Variants in ZNF766 observed in about 807,000 individuals in gnomAD.
ZNF766 encodes the protein zinc finger protein 766.
In ZNF766, 13 loss-of-function variants were observed where a neutral mutation model predicts 13.2. The ratio of observed to expected loss-of-function variants is 0.98; its 90% CI spans 0.64 to 1.56. The LOEUF is 1.56. ZNF766 is among the 40% of genes most tolerant of loss of function. The pLI is 0.00. For synonymous variants in ZNF766, 178 were observed against 187.6 expected (o/e 0.95, Z 0.42); for missense variants, 521 against 552.2 (o/e 0.94, Z 0.57).
At chr19:52,270,244 G>C (rs763989560) in intron 1 of ZNF766, among the ~76,000 whole-genome samples, 3 of 152,122 alleles carry the variant, frequency 2.0e-5, no homozygotes, top group Non-Finnish European at 2.9e-5. Flanking sequence ...TCCCCTCCCT[G>C]TGAATGTGAA....
Position 52,283,393 on chromosome 19 carries a change from G to T in ZNF766, c.254G>T (p.Gly85Val). ...KVAKNPDRWE[G>V]IKDINTGRSC... is the part of the protein sequence containing the mutation. The stretch of plus-strand genomic sequence containing the variant: ...GCAAAAAATCCAGATAGGTGGGAAG[G>T]TATCAAAGATATCAACACAGGTAAG... The change falls in exon 3 of 4, where the codon GGT (glycine) becomes GTT (valine). Residue 85 changes from glycine (G) to valine (V), a missense_variant. Transcript: ENST00000439461. The T allele has an allele frequency of 6.2e-7, 1 of 1,602,604 alleles. No homozygotes were observed. Among genetic ancestry groups the T allele is most frequent in the Non-Finnish European group, 8.5e-7 (1 of 1,173,790 alleles).
chr19:52,291,497 A>G lies in ZNF766; in HGVS notation c.*299A>G, dbSNP rs10426029. The G allele has an allele frequency of 0.076, 19,828 of 259,724 alleles. 2,255 individuals carry two copies. Among genetic ancestry groups the G allele is most frequent in the African/African-American group, 0.3 (13,547 of 44,838 alleles). 16.1% of individuals were successfully genotyped at this position (259,724 alleles called of 1,614,324 possible). ...TAATTGGCTGGGCGCAGTGGCTCACACCTGTAATCCTAGCACTTTGGGAGG... is the reference window on the plus strand; with the variant it reads ...TAATTGGCTGGGCGCAGTGGCTCACGCCTGTAATCCTAGCACTTTGGGAGG... On this transcript the variant is annotated 3_prime_UTR_variant, in exon 4 of 4. Transcript: ENST00000439461.
At chr19:52,284,220 C>A (rs1332473123) in intron 3 of ZNF766, among the ~76,000 whole-genome samples, 1 of 152,144 alleles carries the variant, frequency 6.6e-6, no homozygotes, top group African/African-American at 2.4e-5. Flanking sequence ...GTCCCTTTTC[C>A]CTGTGGTCTC....
chr19:52,285,355 C>T (rs1981762515), intron 3 of ZNF766, among the ~76,000 whole-genome samples: 1 of 152,166 alleles, frequency 6.6e-6, no homozygotes. Flanking sequence ...GTTTAGGGCT[C>T]AGTCTCCAAG....
At chr19:52,289,330 T>C (rs1004004939) in intron 3 of ZNF766, among the ~76,000 whole-genome samples, 7 of 151,964 alleles carry the variant, frequency 4.6e-5, no homozygotes, top group African/African-American at 1.7e-4. Flanking sequence ...TTTGTATTTT[T>C]GGGTGGAGAC....
At chr19:52,277,484 A>G (rs1438292990) in intron 1 of ZNF766, 11 of 1,568,680 alleles carry the variant, frequency 7.0e-6, no homozygotes, top group Non-Finnish European at 9.4e-6. Flanking sequence ...AAGTCATGTT[A>G]TGTGAAGGAG....
At chr19:52,280,621 C>A (rs62110403) in intron 1 of ZNF766, among the ~76,000 whole-genome samples, 2 of 151,650 alleles carry the variant, frequency 1.3e-5, no homozygotes, top group Admixed American at 1.3e-4. Flanking sequence ...CTTGCTCTGT[C>A]GCCCAGGCTG....
chr19:52,287,334 G>A (rs1023518805), intron 3 of ZNF766, among the ~76,000 whole-genome samples: 2 of 150,804 alleles, frequency 1.3e-5, no homozygotes, highest in Non-Finnish European at 2.9e-5. Context: ...GTAGAGACGG[G>A]GTTTCACTGT....
chr19:52,273,190 A>G (rs1004601065), intron 1 of ZNF766, among the ~76,000 whole-genome samples: 9 of 152,060 alleles, frequency 5.9e-5, no homozygotes, highest in African/African-American at 2.2e-4. Context: ...TTGCATTTTT[A>G]GTAGAGATGG....
At chr19:52,272,031 C>T (rs77840289) in intron 1 of ZNF766, among the ~76,000 whole-genome samples, 3,055 of 150,146 alleles carry the variant, frequency 0.02, 34 homozygotes, top group Admixed American at 0.031. Flanking sequence ...TTTCTTGCCA[C>T]TCCTCCATGA....
chr19:52,271,521 C>G (rs759620204), intron 1 of ZNF766, among the ~76,000 whole-genome samples: 1 of 152,196 alleles, frequency 6.6e-6, no homozygotes, highest in Non-Finnish European at 1.5e-5. Flanking sequence ...CTGGCTGTTG[C>G]TGACCCTGCG....
rs186085550 is a variant in ZNF766, at chr19:52,271,745, T to C, written c.18+2114T>C. 9.9e-5 allele frequency among the ~76,000 whole-genome samples: 15 copies of C among 152,238 alleles called. No individual in the cohort carries two copies. In the East Asian group the frequency reaches 2.5e-3, roughly 26 times the overall value. The stretch of plus-strand genomic sequence containing the variant: ...GAGGCCAAGGCGGGTGGATCACTTA[T>C]GGCCAGGAGTTCCAGACCAGCCTGG... On this transcript the variant is annotated intron_variant, in intron 1 of 3. Coordinates refer to ENST00000439461, the MANE Select transcript of ZNF766 (RefSeq NM_001010851.3).
At chr19:52,269,769 A>G (rs1381288118) in intron 1 of ZNF766, 138 bp downstream of exon 1, 8 of 1,187,708 alleles carry the variant, frequency 6.7e-6, no homozygotes, top group Non-Finnish European at 9.3e-6. Flanking sequence ...GCGTCCCGTC[A>G]GAGTGTTAAA....
Position 52,282,355 on chromosome 19 carries a change from G to C in ZNF766, c.145+118G>C, listed in dbSNP as rs573302342. The C allele has an allele frequency of 8.5e-6, 11 of 1,292,006 alleles. No homozygotes were observed. In the South Asian group the frequency reaches 1.3e-4, roughly 15 times the overall value. The allele number at this position is 1,292,006 out of a possible 1,614,324, so 80.0% of individuals were successfully genotyped here. ...CTGAGATTGAAACCCTGTTGACTTG[G>C]CTGGGCACGGTGGCTCATGCCTGTA... On this transcript the variant is annotated intron_variant, in intron 2 of 3. Coordinates refer to ENST00000439461, the MANE Select transcript of ZNF766 (RefSeq NM_001010851.3).
At chr19:52,277,289 C>G in intron 1 of ZNF766, 1 of 986,564 alleles carries the variant, frequency 1.0e-6, no homozygotes. Context: ...GAAACCCCGT[C>G]TCTACTACGA....
intron 1 of ZNF766, among the ~76,000 whole-genome samples, chr19:52,273,086 A>G (rs1364576076): frequency 6.6e-6 from 1 of 151,886 alleles, no homozygotes; most frequent in Admixed American, 6.6e-5. Context: ...TTGGCTCACC[A>G]TAACCTCTGC....
At chr19:52,272,360 G>A (rs1426995244) in intron 1 of ZNF766, among the ~76,000 whole-genome samples, 1 of 152,162 alleles carries the variant, frequency 6.6e-6, no homozygotes, top group East Asian at 1.9e-4. Context: ...ACATCTCTAA[G>A]TTTAATTACT....
chr19:52,278,184 C>T (rs1463689992), intron 1 of ZNF766, among the ~76,000 whole-genome samples: 1 of 152,030 alleles, frequency 6.6e-6, no homozygotes, highest in Non-Finnish European at 1.5e-5. Context: ...TCTCCACCCA[C>T]CTCAGCCTCC....
chr19:52,287,152 T>TC (rs1981872597), intron 3 of ZNF766, among the ~76,000 whole-genome samples: 2 of 151,800 alleles, frequency 1.3e-5, no homozygotes, highest in Non-Finnish European at 2.9e-5. Flanking sequence ...CAGTTTTCTT[T>TC]TTTTTTTTGA....
Sources: gnomAD v4.1 joint callset for allele counts (sites outside exome capture counted in the v4.1 genomes callset) on GRCh38, gnomAD v4.1.1 for gene constraint, MANE v1.5 for transcripts, NCBI Gene and HGNC (gene_info 2026-07-23, HGNC 2026-07-21) for gene names.